BMS1: variants seen among roughly 807,000 people sequenced by gnomAD.
BMS1 encodes the protein ribosome biogenesis protein BMS1 homolog.
A neutral mutation model predicts 138.7 loss-of-function variants in BMS1; 53 were observed. The observed-to-expected ratio is 0.38, with a 90% CI of 0.31 to 0.48. The LOEUF (loss-of-function observed/expected upper bound fraction) is 0.48, where lower values mean the gene tolerates loss of function less well. Ranked by LOEUF, BMS1 falls within the 20% of genes least tolerant of loss-of-function variation. The pLI, the probability that BMS1 is intolerant of heterozygous loss-of-function variation, is 0.97. For missense variants in BMS1, 1,360 were observed against 1,565.5 expected (o/e 0.87, Z 2.22); for synonymous variants, 504 against 539.9 (o/e 0.93, Z 0.92).
intron 21 of BMS1, among the ~76,000 whole-genome samples, chr10:42,826,237 T>TGTG (rs1554799887): frequency 1.0e-4 from 15 of 145,648 alleles, no homozygotes; most frequent in African/African-American, 3.8e-4. Context: ...TTTTTGTTTG[T>TGTG]TGTGTGTGTG....
In BMS1 at chr10:42,820,378, T is replaced by C. The variant is rs561421011; in HGVS notation, c.2723T>C (p.Ile908Thr). 9.9e-6 allele frequency: 16 copies of C among 1,613,856 alleles called. No homozygotes were observed. The South Asian group carries it at 1.5e-4, about 16-fold the overall frequency. ...VQNFDPHYPI[I>T]LGGLGNSEGN... ...AACTTTGACCCCCATTACCCCATTA[T>C]CCTGGGTGGCTTGGGCAACAGTGAG... is the stretch of plus-strand genomic sequence containing the variant. The change falls in exon 16 of 23, where the codon ATC (isoleucine) becomes ACC (threonine). Residue 908 changes from isoleucine (I) to threonine (T), a missense_variant. Transcript: ENST00000374518.
rs1372425916 is a variant in BMS1 at position 42,797,103 on chromosome 10, C to T, written c.1859C>T (p.Pro620Leu). The T allele has an allele frequency of 1.9e-6, 3 of 1,614,076 alleles. No individual in the cohort carries two copies. The African/African-American group carries it at 4.0e-5, about 22-fold the overall frequency. Residue 620 changes from proline (P) to leucine (L), a missense_variant, in exon 10 of 23, where the codon CCT becomes CTT. This residue lies in a region of BMS1 where 697 missense variants were observed against 686.2 expected (regional missense o/e 1.02). Coordinates refer to ENST00000374518, the MANE Select transcript of BMS1 (RefSeq NM_014753.4). ...GCTATTAGAAAAAAGCTTTCAAAGC[C>T]TTCTCAAGTGAGCAGTGGTCAGAAA... Reference protein sequence around the residue: ...EEAIRKKLSKPSQVSSGQKLG... With the variant: ...EEAIRKKLSKLSQVSSGQKLG...
In BMS1 at chr10:42,832,305, G is replaced by C. The variant is rs1373252347; in HGVS notation, c.*1209G>C. 6.6e-6 allele frequency: 1 copy of C among 152,056 alleles called. No individual in the cohort carries two copies. Among genetic ancestry groups the C allele is most frequent in the African/African-American group, 2.4e-5 (1 of 41,392 alleles). The allele number at this position is 152,056 out of a possible 1,614,324, so 9.4% of individuals were successfully genotyped here. On this transcript the variant is annotated 3_prime_UTR_variant, in exon 23 of 23. Transcript: ENST00000374518. ...CAGGTGTGGTGGGTGCACACCTGTAGTTCCAGCTGCTTGGGAGGCTGAGGT... is the reference window on the plus strand; with the variant it reads ...CAGGTGTGGTGGGTGCACACCTGTACTTCCAGCTGCTTGGGAGGCTGAGGT...
At position 42,784,637 on chromosome 10, in the gene BMS1, A is replaced by T. The variant is rs1841267910; in HGVS notation, c.176+67A>T. On this transcript the variant is annotated intron_variant, in intron 2 of 22. Coordinates refer to ENST00000374518, the MANE Select transcript of BMS1 (RefSeq NM_014753.4). Reference sequence around the variant, plus strand: ...TTTTTAAATAGTAGGAGCCTCTCACAGGTGACATTTGGATTCACGAGTCTA... The same window carrying T: ...TTTTTAAATAGTAGGAGCCTCTCACTGGTGACATTTGGATTCACGAGTCTA... The T allele has an allele frequency of 2.6e-6, 4 of 1,517,316 alleles. No homozygotes were observed. In the East Asian group the frequency reaches 9.2e-5, roughly 35 times the overall value. 94.0% of individuals were successfully genotyped at this position (1,517,316 alleles called of 1,614,324 possible). A position where few individuals can be genotyped will look rare whatever the true frequency, so the allele number is the denominator to read the frequency against.
At chr10:42,803,996 T>C (rs1212661139) in intron 13 of BMS1, among the ~76,000 whole-genome samples, 3 of 152,236 alleles carry the variant, frequency 2.0e-5, no homozygotes, top group Admixed American at 2.0e-4. Flanking sequence ...GATCCTACAA[T>C]ATGTACTCTT....
intron 14 of BMS1, among the ~76,000 whole-genome samples, 175 bp from the exon 15 acceptor site, chr10:42,817,143 G>T (rs1842372874): frequency 6.6e-6 from 1 of 152,166 alleles, no homozygotes; most frequent in Non-Finnish European, 1.5e-5. Flanking sequence ...ACCATTTCCT[G>T]TAGCAGTACC....
At chr10:42,807,415 T>G (rs540599622) in intron 13 of BMS1, among the ~76,000 whole-genome samples, 1 of 152,340 alleles carries the variant, frequency 6.6e-6, no homozygotes, top group Non-Finnish European at 1.5e-5. Flanking sequence ...ATTGTATGGA[T>G]GTACCGGTTT....
rs59335833 is a variant in BMS1 at position 42,831,417 on chromosome 10, G to C, written c.*321G>C. On this transcript the variant is annotated 3_prime_UTR_variant, in exon 23 of 23. Transcript: ENST00000374518. ...TTTTTTTGTTACTTTTGGCTTAGTA[G>C]TTTTCATTAGGGATGAATGCCTGAC... 0.069 allele frequency: 15,466 copies of C among 225,166 alleles called. 903 individuals carry two copies. The highest frequency in any genetic ancestry group is 0.16 in the African/African-American group (7,062 of 43,848). The allele number at this position is 225,166 out of a possible 1,614,324, so 13.9% of individuals were successfully genotyped here.
rs1842839277 is a variant in BMS1, at chr10:42,834,073, TTC to T, written c.*2979_*2980del. 6.6e-6 allele frequency: 1 copy of T among 152,236 alleles called. No individual in the cohort carries two copies. Among genetic ancestry groups the T allele is most frequent in the Non-Finnish European group, 1.5e-5 (1 of 68,042 alleles). 9.4% of individuals were successfully genotyped at this position (152,236 alleles called of 1,614,324 possible). A position where few individuals can be genotyped will look rare whatever the true frequency, so the allele number is the denominator to read the frequency against. ...TAAACTTTGTAAATTGTAAAAATTATTCTGTTATACCTTTTCTATTTACTAGG... is the reference window on the plus strand; with the variant it reads ...TAAACTTTGTAAATTGTAAAAATTATTGTTATACCTTTTCTATTTACTAGG... On this transcript the variant is annotated 3_prime_UTR_variant, in exon 23 of 23. Transcript: ENST00000374518.
At position 42,796,568 on chromosome 10, in the gene BMS1, A is replaced by G. The variant is rs762953680; in HGVS notation, c.1324A>G (p.Ser442Gly). 1 of 1,614,148 alleles carries G rather than the reference A, an allele frequency of 6.2e-7. No individual in the cohort carries two copies. Among genetic ancestry groups the G allele is most frequent in the Admixed American group, 1.7e-5 (1 of 60,016 alleles). Reference protein sequence around the residue: ...IFGDEDESGDSDDEEDDEMSE... With the variant: ...IFGDEDESGDGDDEEDDEMSE... Reference sequence around the variant, plus strand: ...CGGAGATGAAGATGAATCTGGAGATAGTGATGATGAAGAAGATGATGAAAT... The same window carrying G: ...CGGAGATGAAGATGAATCTGGAGATGGTGATGATGAAGAAGATGATGAAAT... The change falls in exon 10 of 23, where the codon AGT (serine) becomes GGT (glycine). Residue 442 changes from serine to glycine, a missense_variant. This residue lies in a region of BMS1 where 697 missense variants were observed against 686.2 expected (regional missense o/e 1.02). Transcript: ENST00000374518.
At chr10:42,813,133 C>T (rs1167262643) in intron 13 of BMS1, among the ~76,000 whole-genome samples, 3 of 152,330 alleles carry the variant, frequency 2.0e-5, no homozygotes, top group Non-Finnish European at 2.9e-5. Flanking sequence ...TTAATGATTA[C>T]ATAGGATATC....
chr10:42,817,836 A>G (rs1390115969), intron 15 of BMS1, among the ~76,000 whole-genome samples: 3 of 152,238 alleles, frequency 2.0e-5, no homozygotes, highest in African/African-American at 4.8e-5. Flanking sequence ...TTGGCGGCCT[A>G]TTCCAATCGC....
At position 42,793,989 on chromosome 10, in the gene BMS1, AG is replaced by A. The variant is rs1360264091; in HGVS notation, c.1229+1del. On this transcript the variant is annotated frameshift_variant and splice_region_variant, in exon 9 of 23. Coordinates refer to ENST00000374518, the MANE Select transcript of BMS1 (RefSeq NM_014753.4). LOFTEE classifies it high-confidence loss of function. ...PLGSEDIDNQ[G>X]LMMPKEEKQM... ...TTGGGTCAGAGGATATAGATAATCA[AG>A]GGTAAGTCTGCTTTTTTTCTATTTT... 1 of 1,611,156 alleles carries A rather than the reference AG, an allele frequency of 6.2e-7. No homozygotes were observed. Among genetic ancestry groups the A allele is most frequent in the Non-Finnish European group, 8.5e-7 (1 of 1,179,704 alleles).
At position 42,823,703 on chromosome 10, in the gene BMS1, C is replaced by T. The variant is rs1297945614; in HGVS notation, c.3375C>T (p.Thr1125=). 6.3e-7 allele frequency: 1 copy of T among 1,596,030 alleles called. No homozygotes were observed. The part of the protein sequence containing the change: ...SLLKPVGEKD[T]WSGMRTTGQL... ...TGAAACCAGTGGGTGAGAAAGACAC[C>T]TGGTCAGGAATGCGGACCACGGGCC... Residue 1125 remains threonine (T), a synonymous_variant, in exon 21 of 23, where the codon ACC becomes ACT. Coordinates refer to ENST00000374518, the MANE Select transcript of BMS1 (RefSeq NM_014753.4).
intron 21 of BMS1, among the ~76,000 whole-genome samples, chr10:42,826,942 G>C (rs1842664356): frequency 6.6e-6 from 1 of 152,136 alleles, no homozygotes; most frequent in Admixed American, 6.5e-5. Flanking sequence ...CGCAGGGTGG[G>C]GTGCATGCTG....
chr10:42,793,043 G>A lies in BMS1; in HGVS notation c.988G>A (p.Glu330Lys), dbSNP rs765527031. The A allele has an allele frequency of 6.2e-7, 1 of 1,613,628 alleles. No homozygotes were observed. The highest frequency in any genetic ancestry group is 1.1e-5 in the South Asian group (1 of 91,012). ...ACAACAAAAGAAGCGCTGTTTAAAT[G>A]AGAAGGAGAAGCTGGTTTATGCGCC... is the stretch of plus-strand genomic sequence containing the variant. Reference protein sequence around the residue: ...PEQQKKRCLNEKEKLVYAPLS... With the variant: ...PEQQKKRCLNKKEKLVYAPLS... The change falls in exon 8 of 23, where the codon GAG becomes AAG. Residue 330 changes from glutamate (E) to lysine (K), a missense_variant. Transcript: ENST00000374518.
intron 21 of BMS1, among the ~76,000 whole-genome samples, chr10:42,829,568 C>T (rs1237463245): frequency 6.6e-6 from 1 of 152,102 alleles, no homozygotes; most frequent in African/African-American, 2.4e-5. Flanking sequence ...AATCCTAGCA[C>T]TTTGGGAGGC....
intron 20 of BMS1, 120 bp downstream of exon 20, chr10:42,823,385 C>T: frequency 1.5e-6 from 2 of 1,351,478 alleles, no homozygotes; most frequent in East Asian, 2.4e-5. Context: ...CCTTAGATCT[C>T]CCAGTCTTAT....
In BMS1 at chr10:42,820,218, A is replaced by G. The variant is rs757225829; in HGVS notation, c.2581-18A>G. 3.1e-5 allele frequency: 49 copies of G among 1,602,794 alleles called. No individual in the cohort carries two copies. The highest frequency in any genetic ancestry group is 3.7e-5 in the Non-Finnish European group (44 of 1,177,440). On this transcript the variant is annotated intron_variant, in intron 15 of 22. Transcript: ENST00000374518. ...CAGATAACAGCATACAGGTTTTTTT[A>G]TTCCCCATCATGTACAGCTGAATCG...
Sources: allele counts gnomAD v4.1 joint callset (sites outside exome capture counted in the v4.1 genomes callset), GRCh38; gene constraint gnomAD v4.1.1; regional missense constraint gnomAD v4.1.1; transcripts MANE v1.5; gene names NCBI Gene and HGNC (gene_info 2026-07-23, HGNC 2026-07-21).